SUSD6: variants seen among roughly 807,000 people sequenced by gnomAD.
SUSD6 encodes sushi domain containing 6.
A neutral mutation model predicts 28.4 loss-of-function variants in SUSD6; 16 were observed. That is an observed-to-expected ratio of 0.56 (90% CI 0.38 to 0.86). The LOEUF (loss-of-function observed/expected upper bound fraction) is 0.86, where lower values mean the gene tolerates loss of function less well. Ranked by LOEUF, SUSD6 falls within the 40% of genes least tolerant of loss-of-function variation. The pLI is 0.00. For missense variants in SUSD6, 341 were observed against 384.2 expected (o/e 0.89, Z 0.94); for synonymous variants, 147 against 159.6 (o/e 0.92, Z 0.59).
intron 2 of SUSD6, among the ~76,000 whole-genome samples, chr14:69,680,085 C>T (rs1250871331): frequency 3.3e-5 from 5 of 152,186 alleles, no homozygotes; most frequent in African/African-American, 1.2e-4. Context: ...GTTCAGCAGT[C>T]TCTCCTTAAG....
chr14:69,696,193 C>T (rs1369782645), intron 2 of SUSD6, among the ~76,000 whole-genome samples: 1 of 152,206 alleles, frequency 6.6e-6, no homozygotes, highest in African/African-American at 2.4e-5. Flanking sequence ...AGCCAGAGTT[C>T]CTGGTGAATC....
chr14:69,658,487 T>C (rs1339062351), intron 1 of SUSD6, 26 bp from the exon 2 acceptor site: 89 of 1,243,456 alleles, frequency 7.2e-5, no homozygotes, highest in Non-Finnish European at 9.5e-5. Flanking sequence ...AAGTTTTCAC[T>C]TTATGTCCTT....
rs373294245 is a variant in SUSD6, at chr14:69,711,018, A to G, written c.*39A>G. ...CCTTTCCTCTCTGCGAGGTTCTCTC[A>G]GCCCTTCCTCCCTCTCCCTGTGGGA... On this transcript the variant is annotated 3_prime_UTR_variant, in exon 6 of 6. Coordinates refer to ENST00000342745, the MANE Select transcript of SUSD6 (RefSeq NM_014734.4). The G allele has an allele frequency of 1.2e-5, 19 of 1,608,832 alleles. No homozygotes were observed. The African/African-American group carries it at 2.4e-4, about 20-fold the overall frequency.
chr14:69,681,131 T>G (rs1383651725), intron 2 of SUSD6, among the ~76,000 whole-genome samples: 1 of 152,244 alleles, frequency 6.6e-6, no homozygotes, highest in Admixed American at 6.5e-5. Context: ...AGGGAGGGAA[T>G]GCACTGAACA....
chr14:69,665,384 G>T (rs1885724411), intron 2 of SUSD6, among the ~76,000 whole-genome samples: 1 of 152,058 alleles, frequency 6.6e-6, no homozygotes, highest in African/African-American at 2.4e-5. Context: ...GAGTAGCTGG[G>T]ACTATAGGCA....
At chr14:69,617,673 T>C (rs967911629) in intron 1 of SUSD6, 2 of 152,262 alleles carry the variant, frequency 1.3e-5, no homozygotes, top group Non-Finnish European at 2.9e-5. Context: ...CTTTGTGTTT[T>C]ATAGAGAGGA....
At chr14:69,690,559 C>T (rs184000670) in intron 2 of SUSD6, among the ~76,000 whole-genome samples, 19 of 152,208 alleles carry the variant, frequency 1.2e-4, no homozygotes, top group Admixed American at 8.5e-4. Context: ...TGCAAAAGTT[C>T]AAAGTAGTGA....
Position 69,713,832 on chromosome 14 carries a change from G to GTTTT in SUSD6, c.*2856_*2857insTTTT, listed in dbSNP as rs1239320393. The GTTTT allele has an allele frequency of 2.3e-5, 3 of 132,482 alleles. No individual in the cohort carries two copies. The highest frequency in any genetic ancestry group is 8.9e-5 in the African/African-American group (3 of 33,720). The allele number at this position is 132,482 out of a possible 1,614,324, so 8.2% of individuals were successfully genotyped here. A position where few individuals can be genotyped will look rare whatever the true frequency, so the allele number is the denominator to read the frequency against. On this transcript the variant is annotated 3_prime_UTR_variant, in exon 6 of 6. Coordinates refer to ENST00000342745, the MANE Select transcript of SUSD6 (RefSeq NM_014734.4). ...GTTTTTTTGTTTGTTTGTTGTTGGT[G>GTTTT]TTTGTTTTTTTTTTTTTTTTTTTGG...
intron 1 of SUSD6, among the ~76,000 whole-genome samples, chr14:69,634,496 C>T (rs1885236057): frequency 6.6e-6 from 1 of 152,218 alleles, no homozygotes. Context: ...GGGCTTTAAG[C>T]ATCATGCTAA....
intron 1 of SUSD6, among the ~76,000 whole-genome samples, chr14:69,633,202 A>AG (rs1336756552): frequency 3.3e-5 from 5 of 152,234 alleles, no homozygotes; most frequent in African/African-American, 1.2e-4. Flanking sequence ...TACTGATCCA[A>AG]GGCAGAATTT....
intron 2 of SUSD6, among the ~76,000 whole-genome samples, chr14:69,675,179 G>A (rs1290905671): frequency 6.6e-6 from 1 of 152,132 alleles, no homozygotes; most frequent in Non-Finnish European, 1.5e-5. Flanking sequence ...CCGTGCTTAA[G>A]TTCACACCTA....
intron 1 of SUSD6, among the ~76,000 whole-genome samples, chr14:69,656,057 G>A (rs1339057219): frequency 1.3e-5 from 2 of 151,624 alleles, no homozygotes; most frequent in African/African-American, 4.8e-5. Context: ...TGATCCACTT[G>A]TATTTGGTGC....
At chr14:69,621,736 G>A (rs937708085) in intron 1 of SUSD6, among the ~76,000 whole-genome samples, 3 of 152,150 alleles carry the variant, frequency 2.0e-5, no homozygotes, top group Non-Finnish European at 4.4e-5. Context: ...TTTTCTCTTT[G>A]TTCTCCACAA....
rs534061823 is a variant in SUSD6, at chr14:69,707,375, G to A, written c.459-1302G>A. Among the ~76,000 whole-genome samples, 4 of 152,300 alleles carry A rather than the reference G, an allele frequency of 2.6e-5. No individual in the cohort carries two copies. The East Asian group carries it at 7.7e-4, about 29-fold the overall frequency. On this transcript the variant is annotated intron_variant, in intron 4 of 5. Transcript: ENST00000342745. ...CCAAAAAAGATATCCGCATGAATAAGCCTCACACGTATGATGTTGAGTAAA... is the reference window on the plus strand; with the variant it reads ...CCAAAAAAGATATCCGCATGAATAAACCTCACACGTATGATGTTGAGTAAA...
intron 1 of SUSD6, among the ~76,000 whole-genome samples, chr14:69,621,080 G>A (rs1283317456): frequency 6.6e-6 from 1 of 152,138 alleles, no homozygotes; most frequent in African/African-American, 2.4e-5. Context: ...TCTTTGGGTG[G>A]CCATCTCTGT....
At chr14:69,636,922 A>G (rs761998858) in intron 1 of SUSD6, among the ~76,000 whole-genome samples, 9 of 152,214 alleles carry the variant, frequency 5.9e-5, no homozygotes, top group Non-Finnish European at 1.0e-4. Context: ...TCAAGAAGTC[A>G]TGATCATTTG....
At chr14:69,697,357 C>T (rs762411278) in intron 2 of SUSD6, among the ~76,000 whole-genome samples, 3 of 152,118 alleles carry the variant, frequency 2.0e-5, no homozygotes, top group Non-Finnish European at 4.4e-5. Flanking sequence ...CATGCCTAAC[C>T]TCCTGGGAAT....
intron 2 of SUSD6, among the ~76,000 whole-genome samples, chr14:69,673,022 A>G (rs1372901529): frequency 1.3e-5 from 2 of 152,216 alleles, no homozygotes; most frequent in South Asian, 4.1e-4. Flanking sequence ...ACTCTCTTGC[A>G]CAGAGTCTTG....
In SUSD6 at chr14:69,698,641, T is replaced by TG. The variant is rs111701609; in HGVS notation, c.122-4752dup. On this transcript the variant is annotated intron_variant, in intron 2 of 5. Transcript: ENST00000342745. ...AAAACCAGGGAACCTTTAGAAAGGC[T>TG]GGTGAGGGTCCTCAGCAGTTAGTTT... Among the ~76,000 whole-genome samples the TG allele has an allele frequency of 8.5e-4, 130 of 152,286 alleles. 1 individual carries two copies. Among genetic ancestry groups the TG allele is most frequent in the African/African-American group, 3.0e-3 (124 of 41,554 alleles).
Sources: allele counts gnomAD v4.1 joint callset (sites outside exome capture counted in the v4.1 genomes callset), GRCh38; gene constraint gnomAD v4.1.1; transcripts MANE v1.5; gene names NCBI Gene and HGNC (gene_info 2026-07-23, HGNC 2026-07-21).